The following GPHN variants were observed in gnomAD, a reference collection of about 807,000 sequenced individuals.
The protein encoded by GPHN is gephyrin.
In GPHN, 17 loss-of-function variants were observed where a neutral mutation model predicts 95.5. The observed-to-expected ratio is 0.18, with a 90% confidence interval of 0.12 to 0.27. The LOEUF (loss-of-function observed/expected upper bound fraction) is 0.27, where lower values mean the gene tolerates loss of function less well. GPHN is among the 10% of genes least tolerant of loss of function. GPHN has a pLI of 1.00. For synonymous variants in GPHN, 320 were observed against 322.5 expected (o/e 0.99, Z 0.08); for missense variants, 660 against 978.1 (o/e 0.67, Z 4.34).
chr14:67,711,693 C>A, the GPHN span, among the ~76,000 whole-genome samples: 1 of 152,086 alleles, frequency 6.6e-6, no homozygotes, highest in Non-Finnish European at 1.5e-5. Flanking sequence ...TTCTTGATAA[C>A]CTGTTTCACA....
At chr14:66,989,138 A>G (rs1281934751) in intron 9 of GPHN, among the ~76,000 whole-genome samples, 15 of 152,016 alleles carry the variant, frequency 9.9e-5, no homozygotes, top group Admixed American at 8.5e-4. Flanking sequence ...CGTGTCTCAT[A>G]TCTCTACTTC....
intron 1 of GPHN, among the ~76,000 whole-genome samples, chr14:66,589,591 C>T (rs1319222819): frequency 6.6e-6 from 1 of 151,760 alleles, no homozygotes; most frequent in African/African-American, 2.4e-5. Context: ...AGGGCTTTAC[C>T]ATTACATAAT....
chr14:67,549,706 G>A, the GPHN span, among the ~76,000 whole-genome samples: 24 of 152,336 alleles, frequency 1.6e-4, no homozygotes, highest in South Asian at 2.9e-3. Context: ...ATGGGGCTAC[G>A]GCTCCAGGCT....
intron 10 of GPHN, among the ~76,000 whole-genome samples, chr14:67,024,873 TTTTTTGTGTAAATTTTTCCA>T (rs1305755730): frequency 1.3e-5 from 2 of 152,148 alleles, no homozygotes; most frequent in African/African-American, 4.8e-5. Context: ...TTCATGGGGT[TTTTTTGTGTAAATTTTTCCA>T]TTTTTGTTTT....
chr14:67,200,394 A>G, the GPHN span: 2 of 587,442 alleles, frequency 3.4e-6, no homozygotes, highest in East Asian at 3.4e-5. Flanking sequence ...CCAATCAGAG[A>G]TGCTGTAGCT....
rs996474923 is a variant in GPHN at position 67,083,240 on chromosome 14, T to C, written c.1145-5743T>C. ...GTATTTGGATCTATGCCCCCCCCCC[T>C]CCAAATCTCACGTTGAAATGTAACT... On this transcript the variant is annotated intron_variant, in intron 11 of 22. Coordinates refer to ENST00000478722, the MANE Select transcript of GPHN (RefSeq NM_020806.5). Among the ~76,000 whole-genome samples, 371 of 147,750 alleles carry C rather than the reference T, an allele frequency of 2.5e-3. 1 individual carries two copies. Among genetic ancestry groups the C allele is most frequent in the African/African-American group, 9.0e-3 (354 of 39,550 alleles).
chr14:67,519,937 C>T, the GPHN span, among the ~76,000 whole-genome samples: 2 of 151,796 alleles, frequency 1.3e-5, no homozygotes, highest in Non-Finnish European at 1.5e-5. Flanking sequence ...TGCTCAGGCT[C>T]ATTTTGAACT....
chr14:67,307,882 C>G, the GPHN span, among the ~76,000 whole-genome samples: 2 of 151,932 alleles, frequency 1.3e-5, no homozygotes, highest in African/African-American at 4.8e-5. Flanking sequence ...ATATATACAC[C>G]ATGGAATACG....
chr14:67,062,899 T>G (rs2075881884), intron 11 of GPHN, among the ~76,000 whole-genome samples: 1 of 152,246 alleles, frequency 6.6e-6, no homozygotes, highest in Non-Finnish European at 1.5e-5. Context: ...TAGTTTCTTT[T>G]ACCGTGCAGA....
chr14:66,736,834 T>A (rs1340248795), intron 2 of GPHN, among the ~76,000 whole-genome samples: 1 of 152,222 alleles, frequency 6.6e-6, no homozygotes, highest in Non-Finnish European at 1.5e-5. Context: ...TGTTTTGAAT[T>A]ATCTCAACCA....
At chr14:66,955,028 G>T (rs1325950542) in intron 8 of GPHN, among the ~76,000 whole-genome samples, 1 of 152,004 alleles carries the variant, frequency 6.6e-6, no homozygotes. Context: ...TTTTGTTAAG[G>T]ATACTTGCAT....
chr14:67,207,275 C>T, the GPHN span, among the ~76,000 whole-genome samples: 3 of 151,990 alleles, frequency 2.0e-5, no homozygotes, highest in Non-Finnish European at 4.4e-5. Context: ...GTGAGGGCCT[C>T]AGGGAACTTA....
intron 2 of GPHN, among the ~76,000 whole-genome samples, chr14:66,715,844 T>G (rs954807424): frequency 1.3e-5 from 2 of 152,128 alleles, no homozygotes; most frequent in African/African-American, 4.8e-5. Flanking sequence ...TCTGAGAGAG[T>G]GCTTGATATA....
chr14:67,050,633 A>G (rs1007556250), intron 10 of GPHN, among the ~76,000 whole-genome samples: 1 of 152,202 alleles, frequency 6.6e-6, no homozygotes, highest in Non-Finnish European at 1.5e-5. Context: ...TCCTGCCAGT[A>G]GATAACCATA....
the GPHN span, chr14:67,386,846 C>CT: frequency 6.6e-6 from 1 of 152,446 alleles, no homozygotes; most frequent in African/African-American, 2.4e-5. Flanking sequence ...GGCCACCATC[C>CT]CCACTTTAAG....
intron 18 of GPHN, among the ~76,000 whole-genome samples, chr14:67,147,397 A>G (rs1039919223): frequency 1.3e-5 from 2 of 152,246 alleles, no homozygotes; most frequent in Admixed American, 6.5e-5. Context: ...GTGGATGACA[A>G]ATACTTGAGA....
chr14:66,963,888 AT>A (rs1242706535), intron 8 of GPHN, among the ~76,000 whole-genome samples: 1 of 152,178 alleles, frequency 6.6e-6, no homozygotes, highest in African/African-American at 2.4e-5. Context: ...GATGCATAAT[AT>A]TAGGAATACC....
At chr14:66,674,020 T>C (rs1188032799) in intron 1 of GPHN, among the ~76,000 whole-genome samples, 2 of 152,224 alleles carry the variant, frequency 1.3e-5, no homozygotes. Context: ...CTTCTAGTTT[T>C]TTGAAAATAT....
intron 11 of GPHN, among the ~76,000 whole-genome samples, chr14:67,064,270 T>G (rs919906734): frequency 6.6e-6 from 1 of 152,184 alleles, no homozygotes; most frequent in African/African-American, 2.4e-5. Context: ...GCCTTTCATC[T>G]CAGGGATGAA....
Sources: gnomAD v4.1 joint callset for allele counts (sites outside exome capture counted in the v4.1 genomes callset) on GRCh38, gnomAD v4.1.1 for gene constraint, MANE v1.5 for transcripts, NCBI Gene and HGNC (gene_info 2026-07-23, HGNC 2026-07-21) for gene names.